The following ZC3H18 variants were observed in gnomAD, a reference collection of about 807,000 sequenced individuals.
ZC3H18 encodes zinc finger CCCH domain-containing protein 18.
ZC3H18 carries 8 observed loss-of-function variants against 106.1 expected under a neutral mutation model. The ratio of observed to expected loss-of-function variants is 0.08; its 90% CI spans 0.04 to 0.14. ZC3H18 has a LOEUF of 0.14. ZC3H18 is among the 10% of genes least tolerant of loss of function. ZC3H18 has a pLI of 1.00. For synonymous variants in ZC3H18, 635 were observed against 522.1 expected, an observed-to-expected ratio of 1.22 and a Z score of -2.95; for missense variants, 1,318 against 1,278.4, an observed-to-expected ratio of 1.03 and a Z score of -0.47.
In ZC3H18 at chr16:88,621,034, T is replaced by TTTTTTTG. The variant is rs1393858785; in HGVS notation, c.1476-1151_1476-1145dup. On this transcript the variant is annotated intron_variant, in intron 8 of 17. Transcript: ENST00000301011. Reference sequence around the variant, plus strand: ...GGCACGTGTTACCACACCCAGCTAATTTTTTTGTTTTTTGTTTTGTTTTGT... The same window carrying TTTTTTTG: ...GGCACGTGTTACCACACCCAGCTAATTTTTTTGTTTTTTGTTTTTTGTTTTGTTTTGT... Among the ~76,000 whole-genome samples the TTTTTTTG allele has an allele frequency of 2.2e-4, 33 of 152,036 alleles. 3 individuals carry two copies. The South Asian group carries it at 6.7e-3, about 31-fold the overall frequency.
chr16:88,570,779 G>A, intron 1 of ZC3H18, among the ~76,000 whole-genome samples: 1 of 152,054 alleles, frequency 6.6e-6, no homozygotes, highest in East Asian at 1.9e-4. Flanking sequence ...AGCCGGCCCC[G>A]CGGTCCTGGG....
chr16:88,577,167 A>G lies in ZC3H18; in HGVS notation c.44A>G (p.Glu15Gly), dbSNP rs761539355. Reference protein sequence around the residue: ...ESPERDPHSPEDEEQPQGLSD... With the variant: ...ESPERDPHSPGDEEQPQGLSD... Reference sequence around the variant, plus strand: ...CCTGAACGGGATCCTCACTCTCCAGAGGATGAAGAGCAGCCACAGGGACTC... The same window carrying G: ...CCTGAACGGGATCCTCACTCTCCAGGGGATGAAGAGCAGCCACAGGGACTC... The change falls in exon 2 of 18, where the codon GAG becomes GGG. Residue 15 changes from glutamate to glycine, a missense_variant. Glu to Gly is a moderately conservative substitution (Grantham distance 98). This residue lies in a region of ZC3H18 where 346 missense variants were observed against 269.0 expected (regional missense o/e 1.29). Coordinates refer to ENST00000301011, the MANE Select transcript of ZC3H18 (RefSeq NM_144604.4). The G allele has an allele frequency of 6.3e-7, 1 of 1,599,136 alleles. No homozygotes were observed. The highest frequency in any genetic ancestry group is 8.5e-7 in the Non-Finnish European group (1 of 1,171,292).
At position 88,611,429 on chromosome 16, in the gene ZC3H18, G is replaced by C; in HGVS notation, c.1368G>C (p.Glu456Asp). ...GGAGGAAGGAGGAGTGGGAGCGTGAGCGAGCCAAGCGGGACGAGAAGGACC... is the reference window on the plus strand; with the variant it reads ...GGAGGAAGGAGGAGTGGGAGCGTGACCGAGCCAAGCGGGACGAGAAGGACC... ...RQRRKEEWER[E>D]RAKRDEKDRQ... Residue 456 changes from glutamate to aspartate, a missense_variant, in exon 8 of 18, where the codon GAG becomes GAC. By Grantham distance (45) the Glu-to-Asp change is conservative. Transcript: ENST00000301011. 1 of 1,469,368 alleles carries C rather than the reference G, an allele frequency of 6.8e-7. No individual in the cohort carries two copies. The highest frequency in any genetic ancestry group is 1.2e-5 in the South Asian group (1 of 82,488). 91.0% of individuals were successfully genotyped at this position (1,469,368 alleles called of 1,614,324 possible).
At position 88,577,661 on chromosome 16, in the gene ZC3H18, C is replaced by G. The variant is rs374407251; in HGVS notation, c.538C>G (p.Leu180Val). The G allele has an allele frequency of 3.3e-5, 54 of 1,613,770 alleles. No individual in the cohort carries two copies. The African/African-American group carries it at 5.5e-4, about 16-fold the overall frequency. The change falls in exon 2 of 18, where the codon CTG (leucine) becomes GTG (valine). Residue 180 changes from leucine to valine, a missense_variant. By Grantham distance (32) the Leu-to-Val change is conservative. Transcript: ENST00000301011. Reference protein sequence around the residue: ...GVQSVGEKESLEAAKEKKKED... With the variant: ...GVQSVGEKESVEAAKEKKKED... ...TCAGAGTGTGGGAGAAAAGGAATCC[C>G]TGGAGGCTGCCAAGGAGAAAAAGAA...
At chr16:88,576,688 GC>G (rs1479139673) in intron 1 of ZC3H18, among the ~76,000 whole-genome samples, 1 of 152,184 alleles carries the variant, frequency 6.6e-6, no homozygotes, top group Non-Finnish European at 1.5e-5. Context: ...TGAGATCTGG[GC>G]CTGCAGTTTT....
At chr16:88,611,679 A>G (rs1027572960) in intron 8 of ZC3H18, 143 bp downstream of exon 8, 11 of 1,305,388 alleles carry the variant, frequency 8.4e-6, no homozygotes, top group African/African-American at 4.5e-5. Context: ...GCCCGAGCCC[A>G]TAGTTCCAAA....
At chr16:88,585,898 T>G (rs1402804787) in intron 2 of ZC3H18, among the ~76,000 whole-genome samples, 1 of 151,938 alleles carries the variant, frequency 6.6e-6, no homozygotes, top group African/African-American at 2.4e-5. Context: ...GATGGTCCTG[T>G]GTCAGGGATG....
intron 15 of ZC3H18, 101 bp downstream of exon 15, chr16:88,628,220 G>A: frequency 7.5e-7 from 1 of 1,333,626 alleles, no homozygotes; most frequent in Non-Finnish European, 1.0e-6. Flanking sequence ...CTGAGTGAGG[G>A]CGAGTGGGGC....
chr16:88,574,341 C>G (rs1914602454), intron 1 of ZC3H18, among the ~76,000 whole-genome samples: 1 of 151,920 alleles, frequency 6.6e-6, no homozygotes, highest in Non-Finnish European at 1.5e-5. Context: ...TCCCAAGTAG[C>G]TTGGATAACA....
intron 1 of ZC3H18, among the ~76,000 whole-genome samples, 191 bp downstream of exon 1, chr16:88,570,757 G>A (rs1356083207): frequency 1.3e-5 from 2 of 151,662 alleles, no homozygotes; most frequent in African/African-American, 2.4e-5. Context: ...ACCACCCCGA[G>A]TTCCGTCCGT....
At chr16:88,598,814 C>G (rs762093213) in intron 5 of ZC3H18, 102 bp downstream of exon 5, 3 of 1,063,776 alleles carry the variant, frequency 2.8e-6, no homozygotes, top group African/African-American at 3.2e-5. Flanking sequence ...CCCCAGAAAT[C>G]TCTGAAGTTA....
At chr16:88,594,102 G>A (rs1904319191) in intron 3 of ZC3H18, among the ~76,000 whole-genome samples, 1 of 152,126 alleles carries the variant, frequency 6.6e-6, no homozygotes, top group Admixed American at 6.6e-5. Context: ...TCCTGGGGCT[G>A]TAATGTCCTC....
chr16:88,625,184 C>A lies in ZC3H18; in HGVS notation c.2043-18C>A, dbSNP rs759898616. 4.5e-6 allele frequency: 7 copies of A among 1,570,458 alleles called. No individual in the cohort carries two copies. In the East Asian group the frequency reaches 1.7e-4, roughly 37 times the overall value. On this transcript the variant is annotated intron_variant, in intron 12 of 17. Coordinates refer to ENST00000301011, the MANE Select transcript of ZC3H18 (RefSeq NM_144604.4). ...TGGAGGCCACGCCCCCTGAGCCCCG[C>A]TGTTGCTTGTATTACAGGCGGACGC...
chr16:88,591,191 C>T (rs1367420556), intron 3 of ZC3H18, among the ~76,000 whole-genome samples: 6 of 151,714 alleles, frequency 4.0e-5, no homozygotes, highest in African/African-American at 7.3e-5. Context: ...AGGATGGTCC[C>T]GATCTCCTGA....
rs1434352344 is a variant in ZC3H18, at chr16:88,628,940, T to G, written c.2566+86T>G. Reference sequence around the variant, plus strand: ...GCTGGGTCTGAGACCCCATTGCTCTTAACAAGTAGGAGGAGGGTCCAGAGA... The same window carrying G: ...GCTGGGTCTGAGACCCCATTGCTCTGAACAAGTAGGAGGAGGGTCCAGAGA... On this transcript the variant is annotated intron_variant, in intron 16 of 17. Transcript: ENST00000301011. 4 of 1,362,404 alleles carry G rather than the reference T, an allele frequency of 2.9e-6. No homozygotes were observed. The African/African-American group carries it at 5.8e-5, about 20-fold the overall frequency. 84.4% of individuals were successfully genotyped at this position (1,362,404 alleles called of 1,614,324 possible).
rs1268956216 is a variant in ZC3H18, at chr16:88,625,280, A to C, written c.2108+13A>C. 1 of 1,577,378 alleles carries C rather than the reference A, an allele frequency of 6.3e-7. No homozygotes were observed. The highest frequency in any genetic ancestry group is 8.6e-7 in the Non-Finnish European group (1 of 1,161,728). ...GCTCCCGATCCAGGTCATCCCCATC[A>C]CCCTGTGCCTCTGTTTCTCCCTCCC... On this transcript the variant is annotated intron_variant, in intron 13 of 17. Transcript: ENST00000301011.
chr16:88,611,820 A>G (rs1057019467), intron 8 of ZC3H18, among the ~76,000 whole-genome samples: 8 of 152,220 alleles, frequency 5.3e-5, no homozygotes, highest in African/African-American at 1.9e-4. Context: ...CCACGTGCAA[A>G]CATCGGTGTG....
intron 7 of ZC3H18, among the ~76,000 whole-genome samples, chr16:88,609,608 G>A (rs1363189935): frequency 4.0e-5 from 6 of 149,600 alleles, no homozygotes; most frequent in Non-Finnish European, 7.4e-5. Flanking sequence ...GGCCTGGGTT[G>A]TTTGTTTTGG....
Position 88,624,552 on chromosome 16 carries a change from C to T in ZC3H18, c.1899-50C>T, listed in dbSNP as rs775447601. 2.2e-5 allele frequency: 35 copies of T among 1,611,686 alleles called. 1 individual carries two copies. Among genetic ancestry groups the T allele is most frequent in the East Asian group, 8.9e-5 (4 of 44,804 alleles). Reference sequence around the variant, plus strand: ...TCCATTGAAAGGGGATGTAGGCCAGCGGGGCCCCGTCCACCAGCCCTGCCC... The same window carrying T: ...TCCATTGAAAGGGGATGTAGGCCAGTGGGGCCCCGTCCACCAGCCCTGCCC... On this transcript the variant is annotated intron_variant, in intron 11 of 17. Coordinates refer to ENST00000301011, the MANE Select transcript of ZC3H18 (RefSeq NM_144604.4).
Sources: gnomAD v4.1 joint callset for allele counts (sites outside exome capture counted in the v4.1 genomes callset) on GRCh38, gnomAD v4.1.1 for gene constraint, gnomAD v4.1.1 regional missense constraint, MANE v1.5 for transcripts, NCBI Gene and HGNC (gene_info 2026-07-23, HGNC 2026-07-21) for gene names.